The following FUT9 variants were observed in gnomAD, a reference collection of about 807,000 sequenced individuals.
FUT9 encodes the protein 4-galactosyl-N-acetylglucosaminide 3-alpha-L-fucosyltransferase 9.
In FUT9, 15 loss-of-function variants were observed where a neutral mutation model predicts 29.7. That is an observed-to-expected ratio of 0.51 (90% CI 0.34 to 0.78). FUT9 has a LOEUF of 0.78. Ranked by LOEUF, FUT9 falls within the 30% of genes least tolerant of loss-of-function variation. The pLI is 0.01. For synonymous variants in FUT9, 169 were observed against 153.7 expected, an observed-to-expected ratio of 1.10 and a Z score of -0.74; for missense variants, 319 against 425.4, an observed-to-expected ratio of 0.75 and a Z score of 2.20.
intron 2 of FUT9, among the ~76,000 whole-genome samples, chr6:96,192,989 T>C (rs1322314347): frequency 6.6e-6 from 1 of 152,018 alleles, no homozygotes; most frequent in Non-Finnish European, 1.5e-5. Context: ...CTGGGAAAAC[T>C]GGCTAGCCAT....
chr6:96,078,568 A>C (rs573651368), intron 1 of FUT9, among the ~76,000 whole-genome samples: 15 of 151,362 alleles, frequency 9.9e-5, no homozygotes, highest in African/African-American at 3.1e-4. Context: ...CTACAGGCAC[A>C]TGCCACTACG....
intron 1 of FUT9, among the ~76,000 whole-genome samples, chr6:96,038,235 G>A (rs909335292): frequency 2.0e-5 from 3 of 152,044 alleles, no homozygotes; most frequent in Admixed American, 6.6e-5. Context: ...CAAAAGAGAG[G>A]TTCAGAACGG....
intron 2 of FUT9, among the ~76,000 whole-genome samples, chr6:96,176,901 A>AG (rs1391411189): frequency 2.0e-5 from 3 of 152,140 alleles, no homozygotes; most frequent in African/African-American, 7.2e-5. Flanking sequence ...TAGGCTCTGC[A>AG]GGTCCCACAG....
chr6:96,196,142 T>TGGTG (rs1773620856), intron 2 of FUT9, among the ~76,000 whole-genome samples: 1 of 151,956 alleles, frequency 6.6e-6, no homozygotes, highest in South Asian at 2.1e-4. Flanking sequence ...AATAGAGAGG[T>TGGTG]GGTGATCTCT....
intron 1 of FUT9, among the ~76,000 whole-genome samples, chr6:96,030,400 AAATCAGAGT>A (rs1207853095): frequency 6.6e-6 from 1 of 151,600 alleles, no homozygotes; most frequent in Non-Finnish European, 1.5e-5. Context: ...AAAAAAATTA[AAATCAGAGT>A]AAGATATCAC....
intron 1 of FUT9, among the ~76,000 whole-genome samples, chr6:96,038,024 G>A (rs1180228631): frequency 2.0e-5 from 3 of 152,138 alleles, no homozygotes; most frequent in Non-Finnish European, 4.4e-5. Flanking sequence ...CTTCACTGCA[G>A]GTGTGTGGTG....
At chr6:96,030,765 A>T (rs1028637097) in intron 1 of FUT9, among the ~76,000 whole-genome samples, 4 of 151,584 alleles carry the variant, frequency 2.6e-5, no homozygotes, top group Non-Finnish European at 5.9e-5. Context: ...ACAAACTGGT[A>T]TATTCATACA....
intron 1 of FUT9, among the ~76,000 whole-genome samples, chr6:96,097,878 G>A (rs769183427): frequency 1.3e-5 from 2 of 151,990 alleles, no homozygotes; most frequent in South Asian, 2.1e-4. Context: ...TTTATTTTAA[G>A]AAAGTCACCT....
rs147278245 is a variant in FUT9, at chr6:96,120,549, A to C, written c.-9+6422A>C. 3.5e-3 allele frequency among the ~76,000 whole-genome samples: 472 copies of C among 134,294 alleles called. 3 individuals are homozygous for C. Among genetic ancestry groups the C allele is most frequent in the Middle Eastern group, 0.019 (4 of 208 alleles). 88.1% of individuals were successfully genotyped at this position (134,294 alleles called of 152,430 possible). The stretch of plus-strand genomic sequence containing the variant: ...CCGCCCGCCTCGGCCTCCCAAAGTG[A>C]TGGGATTACAGGCGTGAACCACCGT... On this transcript the variant is annotated intron_variant, in intron 2 of 2. Transcript: ENST00000302103.
intron 1 of FUT9, among the ~76,000 whole-genome samples, chr6:96,069,870 AC>A (rs1242749396): frequency 6.6e-6 from 1 of 152,006 alleles, no homozygotes; most frequent in African/African-American, 2.4e-5. Flanking sequence ...GGACCTCGTA[AC>A]TTACCCTCCT....
intron 1 of FUT9, among the ~76,000 whole-genome samples, chr6:96,060,051 C>T (rs139075291): frequency 1.4e-3 from 220 of 152,202 alleles, no homozygotes; most frequent in African/African-American, 5.0e-3. Context: ...ATAGAACAAT[C>T]GCCTACTTTC....
intron 2 of FUT9, among the ~76,000 whole-genome samples, chr6:96,155,300 A>T (rs1168088996): frequency 1.3e-5 from 2 of 152,092 alleles, no homozygotes; most frequent in African/African-American, 2.4e-5. Context: ...GAGGGGAGAG[A>T]GTGTTATGGT....
intron 2 of FUT9, among the ~76,000 whole-genome samples, chr6:96,157,508 T>C (rs1772808022): frequency 6.6e-6 from 1 of 152,142 alleles, no homozygotes; most frequent in Admixed American, 6.5e-5. Flanking sequence ...GAGTGTTTAT[T>C]TTAGTTATAA....
intron 2 of FUT9, among the ~76,000 whole-genome samples, chr6:96,124,147 T>A (rs1490550958): frequency 7.1e-6 from 1 of 139,898 alleles, no homozygotes; most frequent in African/African-American, 2.7e-5. Flanking sequence ...TCTTTTTTTC[T>A]TTTTTCTTTT....
chr6:96,135,893 G>T (rs567335928), intron 2 of FUT9, among the ~76,000 whole-genome samples: 1 of 151,100 alleles, frequency 6.6e-6, no homozygotes, highest in Non-Finnish European at 1.5e-5. Flanking sequence ...TTCTTTCCAA[G>T]ACCAACACTG....
chr6:96,125,778 C>G (rs755500547), intron 2 of FUT9, among the ~76,000 whole-genome samples: 4 of 152,180 alleles, frequency 2.6e-5, no homozygotes, highest in Non-Finnish European at 5.9e-5. Context: ...TGATCCATTA[C>G]TACCCAGCTC....
rs1773941857 is a variant in FUT9 at position 96,211,775 on chromosome 6, A to G, written c.*7540A>G. 1 of 229,140 alleles carries G rather than the reference A, an allele frequency of 4.4e-6. No individual in the cohort carries two copies. The highest frequency in any genetic ancestry group is 9.1e-6 in the Non-Finnish European group (1 of 109,982). 14.2% of individuals were successfully genotyped at this position (229,140 alleles called of 1,614,324 possible). On this transcript the variant is annotated 3_prime_UTR_variant, in exon 3 of 3. Coordinates refer to ENST00000302103, the MANE Select transcript of FUT9 (RefSeq NM_006581.4). The stretch of plus-strand genomic sequence containing the variant: ...ATTTTTCTATATGAAAAAGAGAATG[A>G]TATTCAAAATAGTATTTTTAAGTAG...
intron 2 of FUT9, among the ~76,000 whole-genome samples, chr6:96,164,332 C>T (rs773380865): frequency 2.7e-4 from 39 of 146,216 alleles, no homozygotes; most frequent in Non-Finnish European, 1.0e-4. Flanking sequence ...GATCTCAGCT[C>T]ACTGCAACCT....
At position 96,212,420 on chromosome 6, in the gene FUT9, T is replaced by C. The variant is rs1024470218; in HGVS notation, c.*8185T>C. On this transcript the variant is annotated 3_prime_UTR_variant, in exon 3 of 3. Coordinates refer to ENST00000302103, the MANE Select transcript of FUT9 (RefSeq NM_006581.4). The stretch of plus-strand genomic sequence containing the variant: ...CTGATTGTCTATGTAAACCTGGAAG[T>C]AGTCTACTTTTTAGATAAAAGATAA... The C allele has an allele frequency of 2.4e-6, 1 of 412,064 alleles. No homozygotes were observed. Among genetic ancestry groups the C allele is most frequent in the South Asian group, 1.3e-4 (1 of 7,784 alleles). The allele number at this position is 412,064 out of a possible 1,614,324, so 25.5% of individuals were successfully genotyped here. A position where few individuals can be genotyped will look rare whatever the true frequency, so the allele number is the denominator to read the frequency against.
Sources: gnomAD v4.1 joint callset for allele counts (sites outside exome capture counted in the v4.1 genomes callset) on GRCh38, gnomAD v4.1.1 for gene constraint, MANE v1.5 for transcripts, NCBI Gene and HGNC (gene_info 2026-07-23, HGNC 2026-07-21) for gene names.